AZIN2: variants seen among roughly 807,000 people sequenced by gnomAD.
AZIN2 encodes antizyme inhibitor 2.
Under a neutral mutation model 47.8 loss-of-function variants are expected in AZIN2, and 28 were observed. The observed-to-expected ratio is 0.59, with a 90% CI of 0.43 to 0.80. The LOEUF (loss-of-function observed/expected upper bound fraction) is 0.80. AZIN2 is among the 30% of genes least tolerant of loss of function. The pLI is 0.00. For synonymous variants in AZIN2, 221 were observed against 239.4 expected (o/e 0.92, Z 0.71); for missense variants, 535 against 582.5 (o/e 0.92, Z 0.84).
intron 10 of AZIN2, among the ~76,000 whole-genome samples, chr1:33,108,962 C>T (rs1262535476): frequency 5.3e-5 from 8 of 152,158 alleles, no homozygotes; most frequent in South Asian, 2.1e-4. Flanking sequence ...TATTTCAAAG[C>T]GGCTGTACCA....
At chr1:33,148,672 CTA>C in the AZIN2 span, among the ~76,000 whole-genome samples, 4 of 152,100 alleles carry the variant, frequency 2.6e-5, no homozygotes, top group African/African-American at 9.7e-5. Context: ...GAGTATGTAT[CTA>C]TGTACATATA....
intron 11 of AZIN2, chr1:33,119,794 T>C (rs1366834884): frequency 5.3e-6 from 3 of 569,390 alleles, no homozygotes; most frequent in Non-Finnish European, 6.3e-6. Flanking sequence ...ATAGATAATA[T>C]AAGTGCCTGG....
the AZIN2 span, among the ~76,000 whole-genome samples, chr1:33,130,741 G>A: frequency 2.6e-5 from 4 of 152,212 alleles, no homozygotes; most frequent in Non-Finnish European, 5.9e-5. Context: ...GGCAGCAATA[G>A]ATAACTAATA....
chr1:33,145,764 T>C, the AZIN2 span: 1 of 438,516 alleles, frequency 2.3e-6, no homozygotes, highest in Non-Finnish European at 4.7e-6. Flanking sequence ...AGGACAACCC[T>C]AGATGTGGAC....
the AZIN2 span, chr1:33,145,786 C>T: frequency 4.4e-6 from 2 of 458,464 alleles, no homozygotes; most frequent in African/African-American, 2.0e-5. Context: ...CCACCCTCTC[C>T]CGAGTTCTTC....
At chr1:33,137,970 G>A in the AZIN2 span, among the ~76,000 whole-genome samples, 1 of 152,204 alleles carries the variant, frequency 6.6e-6, no homozygotes, top group Non-Finnish European at 1.5e-5. Flanking sequence ...GGAGGTGGCA[G>A]GGGAAAGGGG....
intron 10 of AZIN2, among the ~76,000 whole-genome samples, chr1:33,102,798 C>A (rs1284717943): frequency 6.6e-6 from 1 of 152,188 alleles, no homozygotes; most frequent in African/African-American, 2.4e-5. Context: ...GCACATCCAA[C>A]TACCCGCTTG....
At chr1:33,155,782 T>C in the AZIN2 span, among the ~76,000 whole-genome samples, 28,407 of 152,156 alleles carry the variant, frequency 0.19, 3,149 homozygotes, top group South Asian at 0.3. Flanking sequence ...ACACACAGGG[T>C]TCTCTGCTGC....
chr1:33,082,224 C>T lies in AZIN2; in HGVS notation c.-26C>T. On this transcript the variant is annotated 5_prime_UTR_variant, in exon 4 of 12. Transcript: ENST00000294517. ...CGGCGGCTGCAGCAGCGGCTCCATC[C>T]AGCCCGTCAGCTCCTCCTGCAAGGC... is the stretch of plus-strand genomic sequence containing the variant. The T allele has an allele frequency of 6.3e-7, 1 of 1,595,862 alleles. No homozygotes were observed. Among genetic ancestry groups the T allele is most frequent in the South Asian group, 1.1e-5 (1 of 90,644 alleles).
chr1:33,141,836 T>TA, the AZIN2 span: 4,692 of 166,388 alleles, frequency 0.028, 207 homozygotes, highest in African/African-American at 0.1. Context: ...TCCTGGAACT[T>TA]AAAAAAAAAT....
At chr1:33,123,962 C>T (rs1644838593), downstream of AZIN2, among the ~76,000 whole-genome samples, 1 of 151,902 alleles carries the variant, frequency 6.6e-6, no homozygotes, top group Non-Finnish European at 1.5e-5. Context: ...CACCACTACA[C>T]TCCAGCCCGG....
the AZIN2 span, among the ~76,000 whole-genome samples, chr1:33,156,603 T>A: frequency 1.3e-5 from 2 of 152,184 alleles, no homozygotes; most frequent in Non-Finnish European, 2.9e-5. Flanking sequence ...GCTCCTGATG[T>A]TAGGGCAGCC....
chr1:33,093,372 G>T lies in AZIN2; in HGVS notation c.543G>T (p.Leu181=), dbSNP rs1174478154. 6.2e-7 allele frequency: 1 copy of T among 1,614,120 alleles called. No homozygotes were observed. The highest frequency in any genetic ancestry group is 8.5e-7 in the Non-Finnish European group (1 of 1,180,002). Residue 181 remains leucine, a synonymous_variant, in exon 7 of 12, where the codon CTG becomes CTT. Transcript: ENST00000294517. ...TGTCACTGAAATCCTGCAGACACCT[G>T]CTTGAAAATGCGAAGAAGCACCATG... ...FGVSLKSCRH[L]LENAKKHHVE...
chr1:33,152,776 A>C, the AZIN2 span, among the ~76,000 whole-genome samples: 5 of 152,018 alleles, frequency 3.3e-5, no homozygotes, highest in African/African-American at 9.7e-5. Flanking sequence ...AGGGGAGTGC[A>C]TTGCTCTGGG....
At chr1:33,165,842 T>C in the AZIN2 span, 1 of 284,964 alleles carries the variant, frequency 3.5e-6, no homozygotes, top group South Asian at 1.3e-4. The surrounding 1 kb of genome is among the most constrained non-coding windows in gnomAD (Gnocchi z 4.0). Context: ...ACATACACAC[T>C]CTCTGGCTCC....
intron 10 of AZIN2, among the ~76,000 whole-genome samples, chr1:33,114,340 A>ATTTTT (rs200212145): frequency 8.3e-6 from 1 of 120,226 alleles, no homozygotes. Context: ...AGACTGGATG[A>ATTTTT]TTTTTTTTTC....
chr1:33,092,999 T>G (rs1642740848), intron 6 of AZIN2, among the ~76,000 whole-genome samples: 1 of 152,202 alleles, frequency 6.6e-6, no homozygotes, highest in Admixed American at 6.5e-5. Context: ...GTTTGAAAGC[T>G]CTAACTGGTG....
chr1:33,162,086 A>G, the AZIN2 span, among the ~76,000 whole-genome samples: 1 of 152,132 alleles, frequency 6.6e-6, no homozygotes, highest in Admixed American at 6.5e-5. Context: ...CTTGGTCTAC[A>G]AGTCAACTCT....
rs1429944183 is a variant in AZIN2 at position 33,096,816 on chromosome 1, C to T, written c.863C>T (p.Ala288Val). The change falls in exon 9 of 12, where the codon GCA (alanine) becomes GTA (valine). Residue 288 changes from alanine (A) to valine (V), a missense_variant. Around this residue, in one of 3 missense-constraint regions of AZIN2, gnomAD observed 409 missense variants for 429.0 expected, o/e 0.95. Coordinates refer to ENST00000294517, the MANE Select transcript of AZIN2 (RefSeq NM_052998.4). ...RYYVTSAFTV[A>V]VSIIAKKEVL... ...TACGTGACCTCGGCCTTCACTGTGGCAGTCAGCATCATTGCCAAGAAGGAG... is the reference window on the plus strand; with the variant it reads ...TACGTGACCTCGGCCTTCACTGTGGTAGTCAGCATCATTGCCAAGAAGGAG... 12 of 1,614,180 alleles carry T rather than the reference C, an allele frequency of 7.4e-6. 1 individual carries two copies. Among genetic ancestry groups the T allele is most frequent in the Middle Eastern group, 3.3e-4 (2 of 6,062 alleles).
Sources: gnomAD v4.1 joint callset for allele counts (sites outside exome capture counted in the v4.1 genomes callset) on GRCh38, gnomAD v4.1.1 for gene constraint, gnomAD v4.1.1 regional missense constraint, Gnocchi (gnomAD v3.1) non-coding constraint, MANE v1.5 for transcripts, NCBI Gene and HGNC (gene_info 2026-07-23, HGNC 2026-07-21) for gene names.